KIRREL3: variants seen among roughly 807,000 people sequenced by gnomAD.
The protein encoded by KIRREL3 is kin of IRRE-like protein 3.
A neutral mutation model predicts 89.7 loss-of-function variants in KIRREL3; 36 were observed. The observed-to-expected ratio is 0.40, with a 90% CI of 0.31 to 0.53. KIRREL3 has a LOEUF of 0.53. Among genes scored for constraint, KIRREL3 ranks in the 20% least tolerant of loss-of-function variants. KIRREL3 has a pLI of 0.49. For missense variants in KIRREL3, 864 were observed against 1,056.6 expected (o/e 0.82, Z 2.53); for synonymous variants, 445 against 441.4 (o/e 1.01, Z -0.10).
Position 126,576,157 on chromosome 11 carries a change from T to C in KIRREL3, c.56-13245A>G, listed in dbSNP as rs544889338. 6.6e-6 allele frequency among the ~76,000 whole-genome samples: 1 copy of C among 152,328 alleles called. No individual in the cohort carries two copies. The highest frequency in any genetic ancestry group is 1.5e-5 in the Non-Finnish European group (1 of 68,028). ...CAGATTAATATTTGATTTAGCACTGTGTGTCCCTTCAAAATTCTGGGGGCC... is the reference window on the plus strand; with the variant it reads ...CAGATTAATATTTGATTTAGCACTGCGTGTCCCTTCAAAATTCTGGGGGCC... On this transcript the variant is annotated intron_variant, in intron 1 of 16. Transcript: ENST00000525144. This position sits in a 1 kb window ranked among gnomAD's most constrained non-coding sequence, Gnocchi z 5.4.
In KIRREL3 at chr11:126,905,546, G is replaced by A. The variant is rs75131380; in HGVS notation, c.55+94909C>T. ...GCTCAGGGGTCAGAGGGTGGGGAGA[G>A]GGATCTTTCATTTTGGGCCTTATCG... On this transcript the variant is annotated intron_variant, in intron 1 of 16. Transcript: ENST00000525144. This position sits in a 1 kb window ranked among gnomAD's most constrained non-coding sequence, Gnocchi z 5.0. Among the ~76,000 whole-genome samples, 5,946 of 152,140 alleles carry A rather than the reference G, an allele frequency of 0.039. 210 individuals are homozygous for A. The highest frequency in any genetic ancestry group is 0.09 in the African/African-American group (3,741 of 41,480).
In KIRREL3 at chr11:126,740,007, G is replaced by C. The variant is rs1455324240; in HGVS notation, c.56-177095C>G. On this transcript the variant is annotated intron_variant, in intron 1 of 16. Transcript: ENST00000525144. This position sits in a 1 kb window ranked among gnomAD's most constrained non-coding sequence, Gnocchi z 6.0. ...CTGAATTTGTCATGACTCACTGGAG[G>C]GTAGGGTGTATGGAGGGAGGGGGCA... 6.6e-6 allele frequency among the ~76,000 whole-genome samples: 1 copy of C among 152,124 alleles called. No homozygotes were observed. Among genetic ancestry groups the C allele is most frequent in the Non-Finnish European group, 1.5e-5 (1 of 68,024 alleles).
Position 126,443,687 on chromosome 11 carries a change from C to T in KIRREL3, c.1252+1292G>A, listed in dbSNP as rs554712592. On this transcript the variant is annotated intron_variant, in intron 10 of 16. Coordinates refer to ENST00000525144, the MANE Select transcript of KIRREL3 (RefSeq NM_032531.4). This position sits in a 1 kb window ranked among gnomAD's most constrained non-coding sequence, Gnocchi z 7.3. ...CACCAAGCTGGTTTTGGTTTTCTAG[C>T]GAAGGGGAGAATAGATGAGGCCATC... Among the ~76,000 whole-genome samples the T allele has an allele frequency of 3.1e-4, 47 of 152,056 alleles. No homozygotes were observed. Among genetic ancestry groups the T allele is most frequent in the African/African-American group, 1.1e-3 (46 of 41,478 alleles).
intron 1 of KIRREL3, among the ~76,000 whole-genome samples, chr11:126,959,583 C>T (rs1949023243): frequency 6.6e-6 from 1 of 152,188 alleles, no homozygotes; most frequent in Non-Finnish European, 1.5e-5. Flanking sequence ...CACTCCAGAT[C>T]CCTCCTGAAC....
chr11:126,654,114 T>G (rs1945023492), intron 1 of KIRREL3, among the ~76,000 whole-genome samples: 1 of 152,218 alleles, frequency 6.6e-6, no homozygotes, highest in African/African-American at 2.4e-5. Context: ...AGAATCAGTT[T>G]GGCTGTGTTT....
intron 1 of KIRREL3, among the ~76,000 whole-genome samples, chr11:126,857,589 G>A (rs545003605): frequency 5.3e-5 from 8 of 152,098 alleles, no homozygotes; most frequent in Non-Finnish European, 1.2e-4. Flanking sequence ...CCTTGCTCAG[G>A]GTCTGCCTCT....
Position 126,571,366 on chromosome 11 carries a change from C to A in KIRREL3, c.56-8454G>T, listed in dbSNP as rs1202467522. On this transcript the variant is annotated intron_variant, in intron 1 of 16. Transcript: ENST00000525144. This position sits in a 1 kb window ranked among gnomAD's most constrained non-coding sequence, Gnocchi z 7.7. ...CCCAAGGTTGGCAGAGCTCACCCCA[C>A]TCCTCTGTACACTGAAAGTGGGACA... Among the ~76,000 whole-genome samples the A allele has an allele frequency of 6.6e-6, 1 of 152,224 alleles. No individual in the cohort carries two copies. Among genetic ancestry groups the A allele is most frequent in the Non-Finnish European group, 1.5e-5 (1 of 68,042 alleles).
chr11:126,741,726 G>A (rs1206076510), intron 1 of KIRREL3, among the ~76,000 whole-genome samples: 1 of 152,228 alleles, frequency 6.6e-6, no homozygotes, highest in Non-Finnish European at 1.5e-5. Context: ...TTCAGAATGT[G>A]GGGCTTTGCT....
intron 11 of KIRREL3, chr11:126,440,113 G>A (rs1268585141): frequency 3.8e-6 from 2 of 524,170 alleles, no homozygotes; most frequent in African/African-American, 3.8e-5. Context: ...CTAAAGACTG[G>A]CCTGGAGCCC....
chr11:126,797,117 G>A lies in KIRREL3; in HGVS notation c.55+203338C>T, dbSNP rs929804156. On this transcript the variant is annotated intron_variant, in intron 1 of 16. Coordinates refer to ENST00000525144, the MANE Select transcript of KIRREL3 (RefSeq NM_032531.4). The surrounding 1 kb of genome is among the most constrained non-coding windows in gnomAD (Gnocchi z 4.9). Reference sequence around the variant, plus strand: ...AGATCCCCCAGAGCCCACATTCGGGGCCACCTGGAGTTAGCAAATCAGAGG... The same window carrying A: ...AGATCCCCCAGAGCCCACATTCGGGACCACCTGGAGTTAGCAAATCAGAGG... Among the ~76,000 whole-genome samples the A allele has an allele frequency of 7.2e-5, 11 of 152,158 alleles. No individual in the cohort carries two copies. Among genetic ancestry groups the A allele is most frequent in the African/African-American group, 2.7e-4 (11 of 41,428 alleles).
At position 126,879,707 on chromosome 11, in the gene KIRREL3, C is replaced by A. The variant is rs1019723962; in HGVS notation, c.55+120748G>T. ...GATATTTGTGGTTCAGTCATTTAAC[C>A]TTTGCACATTTCTGAGTGGGTCATC... On this transcript the variant is annotated intron_variant, in intron 1 of 16. Coordinates refer to ENST00000525144, the MANE Select transcript of KIRREL3 (RefSeq NM_032531.4). This position sits in a 1 kb window ranked among gnomAD's most constrained non-coding sequence, Gnocchi z 5.4. Among the ~76,000 whole-genome samples, 1 of 152,190 alleles carries A rather than the reference C, an allele frequency of 6.6e-6. No homozygotes were observed. Among genetic ancestry groups the A allele is most frequent in the Non-Finnish European group, 1.5e-5 (1 of 68,042 alleles).
chr11:126,787,881 GCTT>G (rs939315271), intron 1 of KIRREL3, among the ~76,000 whole-genome samples: 5 of 152,164 alleles, frequency 3.3e-5, no homozygotes, highest in African/African-American at 1.2e-4. Flanking sequence ...TCTTCACCCT[GCTT>G]CTTCTTGGCA....
At chr11:126,847,534 T>C (rs1225570152) in intron 1 of KIRREL3, among the ~76,000 whole-genome samples, 3 of 152,094 alleles carry the variant, frequency 2.0e-5, no homozygotes, top group Admixed American at 1.3e-4. Context: ...ACTTTGGAGA[T>C]TGTGACACTA....
At chr11:126,975,189 T>G (rs1252191996) in intron 1 of KIRREL3, among the ~76,000 whole-genome samples, 1 of 152,200 alleles carries the variant, frequency 6.6e-6, no homozygotes, top group Non-Finnish European at 1.5e-5. Flanking sequence ...GGCACCTAAC[T>G]GTATTGTACT....
Position 126,424,429 on chromosome 11 carries a change from A to G in KIRREL3, c.*151T>C. 1 of 673,740 alleles carries G rather than the reference A, an allele frequency of 1.5e-6. No homozygotes were observed. The highest frequency in any genetic ancestry group is 2.5e-6 in the Non-Finnish European group (1 of 401,328). 41.7% of individuals were successfully genotyped at this position (673,740 alleles called of 1,614,324 possible). A position where few individuals can be genotyped will look rare whatever the true frequency, so the allele number is the denominator to read the frequency against. ...GGGACCCAGATTTGTGCTTGATCAG[A>G]GCTTCGAAGGAAGGCAGTGGCAGAG... is the stretch of plus-strand genomic sequence containing the variant. On this transcript the variant is annotated 3_prime_UTR_variant, in exon 17 of 17. Coordinates refer to ENST00000525144, the MANE Select transcript of KIRREL3 (RefSeq NM_032531.4).
In KIRREL3 at chr11:126,837,498, TAATTACGAGGGAATCG is replaced by T; in HGVS notation, c.55+162941_55+162956del. ...CTCTATCATGGAATTACTTCCACAA[TAATTACGAGGGAATCG>T]GATCTTGTCTAGGACACAGGTCCAG... On this transcript the variant is annotated intron_variant, in intron 1 of 16. Transcript: ENST00000525144. The surrounding 1 kb of genome is among the most constrained non-coding windows in gnomAD (Gnocchi z 4.7). 1.3e-5 allele frequency among the ~76,000 whole-genome samples: 2 copies of T among 152,212 alleles called. No homozygotes were observed. Among genetic ancestry groups the T allele is most frequent in the Non-Finnish European group, 2.9e-5 (2 of 68,040 alleles).
rs1943011306 is a variant in KIRREL3 at position 126,609,068 on chromosome 11, A to G, written c.56-46156T>C. Among the ~76,000 whole-genome samples, 1 of 152,194 alleles carries G rather than the reference A, an allele frequency of 6.6e-6. No individual in the cohort carries two copies. The highest frequency in any genetic ancestry group is 6.5e-5 in the Admixed American group (1 of 15,290). Reference sequence around the variant, plus strand: ...GGAAAACTAACCCGGAGACAGGGCTAAAGTTACTGCCCACTCAACTCTGCA... The same window carrying G: ...GGAAAACTAACCCGGAGACAGGGCTGAAGTTACTGCCCACTCAACTCTGCA... On this transcript the variant is annotated intron_variant, in intron 1 of 16. Coordinates refer to ENST00000525144, the MANE Select transcript of KIRREL3 (RefSeq NM_032531.4). The surrounding 1 kb of genome is among the most constrained non-coding windows in gnomAD (Gnocchi z 5.0).
At chr11:126,573,546 G>A (rs1941089434) in intron 1 of KIRREL3, among the ~76,000 whole-genome samples, 2 of 140,808 alleles carry the variant, frequency 1.4e-5, no homozygotes, top group Admixed American at 7.1e-5. Context: ...AGGGAACCCC[G>A]CTGTCCTCCC....
chr11:126,460,202 G>A (rs951462416), intron 6 of KIRREL3, among the ~76,000 whole-genome samples: 4 of 152,156 alleles, frequency 2.6e-5, no homozygotes, highest in African/African-American at 7.2e-5. Context: ...GGCGGTGAGC[G>A]CGGGGACAAA....
Sources: allele counts gnomAD v4.1 joint callset (sites outside exome capture counted in the v4.1 genomes callset), GRCh38; gene constraint gnomAD v4.1.1; non-coding constraint Gnocchi (gnomAD v3.1); transcripts MANE v1.5; gene names NCBI Gene and HGNC (gene_info 2026-07-23, HGNC 2026-07-21).